FREM1: variants seen among roughly 807,000 people sequenced by gnomAD.
The protein encoded by FREM1 is FRAS1 related extracellular matrix 1.
In FREM1, 220 loss-of-function variants were observed where a neutral mutation model predicts 210.1. The ratio of observed to expected loss-of-function variants is 1.05; its 90% CI spans 0.94 to 1.17. FREM1 has a LOEUF of 1.17. FREM1 is among the 50% of genes most tolerant of loss of function. The probability of loss-of-function intolerance (pLI) is 0.00; values close to 1 mark genes in which losing one functional copy is unlikely to be tolerated. For synonymous variants in FREM1, 1,189 were observed against 980.2 expected, an observed-to-expected ratio of 1.21 and a Z score of -3.98; for missense variants, 3,454 against 2,675.5, an observed-to-expected ratio of 1.29 and a Z score of -6.42.
intron 24 of FREM1, chr9:14,779,402 G>T: frequency 3.1e-6 from 2 of 648,108 alleles, no homozygotes; most frequent in Non-Finnish European, 1.9e-6. Context: ...TATCAGCAGA[G>T]AAGGAAGAAG....
Position 14,769,707 on chromosome 9 carries a change from T to C in FREM1, c.5204+17A>G, listed in dbSNP as rs925137139. On this transcript the variant is annotated intron_variant, in intron 27 of 36. Coordinates refer to ENST00000380880, the MANE Select transcript of FREM1 (RefSeq NM_001379081.2). Reference sequence around the variant, plus strand: ...GGATGTAACATATAGGACTACTGAATAAGCAAGAGAATTTACATTTGAGGA... The same window carrying C: ...GGATGTAACATATAGGACTACTGAACAAGCAAGAGAATTTACATTTGAGGA... 6.2e-7 allele frequency: 1 copy of C among 1,611,084 alleles called. No individual in the cohort carries two copies. The highest frequency in any genetic ancestry group is 8.5e-7 in the Non-Finnish European group (1 of 1,178,398).
intron 2 of FREM1, among the ~76,000 whole-genome samples, chr9:14,867,342 G>C (rs181808440): frequency 2.6e-5 from 4 of 152,238 alleles, no homozygotes; most frequent in Admixed American, 2.6e-4. Flanking sequence ...AAGTATAATT[G>C]GGAGTAACTG....
rs1385605278 is a variant in FREM1 at position 14,859,381 on chromosome 9, G to C, written c.433C>G (p.Pro145Ala). The C allele has an allele frequency of 1.2e-6, 2 of 1,613,854 alleles. No homozygotes were observed. The highest frequency in any genetic ancestry group is 2.2e-5 in the South Asian group (2 of 91,064). The change falls in exon 4 of 37, where the codon CCT becomes GCT. Residue 145 changes from proline (P) to alanine (A), a missense_variant. Transcript: ENST00000380880. Reference protein sequence around the residue: ...IHMSNNVLEVPEFNGLSQAID... With the variant: ...IHMSNNVLEVAEFNGLSQAID... Reference sequence around the variant, plus strand: ...GCTTGGGACAAGCCATTGAATTCAGGCACCTCCAGCACATTGTTACTCATA... The same window carrying C: ...GCTTGGGACAAGCCATTGAATTCAGCCACCTCCAGCACATTGTTACTCATA...
chr9:14,875,783 GT>G (rs1833601150), intron 1 of FREM1, among the ~76,000 whole-genome samples: 1 of 152,148 alleles, frequency 6.6e-6, no homozygotes, highest in African/African-American at 2.4e-5. Flanking sequence ...TTTCTGCTCT[GT>G]TTTTTCCCCA....
intron 13 of FREM1, among the ~76,000 whole-genome samples, chr9:14,821,554 T>C (rs1273113458): frequency 6.6e-6 from 1 of 152,220 alleles, no homozygotes; most frequent in Non-Finnish European, 1.5e-5. Context: ...TCAAGTTGAC[T>C]CCATAAGCAT....
At chr9:14,849,261 G>T (rs1299342668) in intron 6 of FREM1, among the ~76,000 whole-genome samples, 1 of 152,138 alleles carries the variant, frequency 6.6e-6, no homozygotes, top group Non-Finnish European at 1.5e-5. Context: ...CCGTACACAG[G>T]ACAACCTCCC....
chr9:14,860,984 CATATATACAT>C (rs1198162690), intron 3 of FREM1, among the ~76,000 whole-genome samples: 2 of 117,670 alleles, frequency 1.7e-5, no homozygotes, highest in African/African-American at 4.7e-5. Flanking sequence ...CATATATACA[CATATATACAT>C]ATATATACAC....
At chr9:14,824,309 A>G (rs765412813) in intron 11 of FREM1, among the ~76,000 whole-genome samples, 194 bp from the exon 12 acceptor site, 7 of 152,202 alleles carry the variant, frequency 4.6e-5, no homozygotes, top group African/African-American at 7.2e-5. Context: ...CATGACTGCA[A>G]AAGGTATGTA....
At chr9:14,750,055 C>A (rs1035347529) in intron 30 of FREM1, 72 bp downstream of exon 30, 2 of 1,469,152 alleles carry the variant, frequency 1.4e-6, no homozygotes, top group Non-Finnish European at 1.9e-6. Flanking sequence ...TTATCAAGCA[C>A]GTTGGCTGTT....
intron 1 of FREM1, among the ~76,000 whole-genome samples, chr9:14,895,868 G>C (rs996339919): frequency 6.6e-6 from 1 of 151,980 alleles, no homozygotes; most frequent in Non-Finnish European, 1.5e-5. Flanking sequence ...ACAGAATACA[G>C]ATCTTCATCC....
Position 14,869,151 on chromosome 9 carries a change from C to T in FREM1, c.-174G>A. 1.8e-6 allele frequency: 1 copy of T among 545,640 alleles called. No individual in the cohort carries two copies. Among genetic ancestry groups the T allele is most frequent in the Non-Finnish European group, 3.2e-6 (1 of 308,072 alleles). 33.8% of individuals were successfully genotyped at this position (545,640 alleles called of 1,614,324 possible). On this transcript the variant is annotated 5_prime_UTR_variant, in exon 2 of 37. Coordinates refer to ENST00000380880, the MANE Select transcript of FREM1 (RefSeq NM_001379081.2). ...TTCATTTCAAAGTCAGACAAGGGGG[C>T]CTTTCAGGCAATCCCAGGGCTTTTA...
intron 1 of FREM1, among the ~76,000 whole-genome samples, chr9:14,909,318 T>C (rs973064207): frequency 1.1e-4 from 17 of 152,204 alleles, no homozygotes; most frequent in African/African-American, 4.1e-4. Flanking sequence ...CCAAAGTCTC[T>C]GGACCAAATC....
At chr9:14,831,933 T>TG (rs887155012) in intron 10 of FREM1, among the ~76,000 whole-genome samples, 9 of 152,096 alleles carry the variant, frequency 5.9e-5, no homozygotes, top group African/African-American at 2.2e-4. Context: ...AGAGAATAGC[T>TG]GGGGGGACGC....
At chr9:14,864,306 G>A (rs761509875) in intron 2 of FREM1, among the ~76,000 whole-genome samples, 1 of 152,186 alleles carries the variant, frequency 6.6e-6, no homozygotes, top group Non-Finnish European at 1.5e-5. Flanking sequence ...GAAAAGGCAT[G>A]CTTTAACCCA....
chr9:14,828,645 G>T (rs867366233), intron 10 of FREM1, among the ~76,000 whole-genome samples: 32 of 135,886 alleles, frequency 2.4e-4, no homozygotes, highest in South Asian at 2.3e-4. Flanking sequence ...TGGCGGGGCG[G>T]GGGAGGTGCC....
In FREM1 at chr9:14,737,585, G is replaced by C. The variant is rs1442058288; in HGVS notation, c.6351C>G (p.Asp2117Glu). The change falls in exon 37 of 37, where the codon GAC (aspartate) becomes GAG (glutamate). Residue 2117 changes from aspartate to glutamate, a missense_variant. Coordinates refer to ENST00000380880, the MANE Select transcript of FREM1 (RefSeq NM_001379081.2). Reference protein sequence around the residue: ...GRKSFWIGLNDQVHAGHWEWI... With the variant: ...GRKSFWIGLNEQVHAGHWEWI... ...ACTCCCAGTGGCCAGCATGCACTTGGTCGTTCAAACCTAATGTGAACCAAA... is the reference window on the plus strand; with the variant it reads ...ACTCCCAGTGGCCAGCATGCACTTGCTCGTTCAAACCTAATGTGAACCAAA... The C allele has an allele frequency of 1.3e-6, 2 of 1,566,216 alleles. No individual in the cohort carries two copies. The highest frequency in any genetic ancestry group is 1.2e-5 in the South Asian group (1 of 83,464).
chr9:14,887,004 A>T (rs1835938097), intron 1 of FREM1, among the ~76,000 whole-genome samples: 1 of 152,118 alleles, frequency 6.6e-6, no homozygotes, highest in African/African-American at 2.4e-5. Flanking sequence ...TATTAATATA[A>T]ATCAAATTTA....
At chr9:14,843,712 A>G (rs1826095370) in intron 8 of FREM1, among the ~76,000 whole-genome samples, 1 of 149,072 alleles carries the variant, frequency 6.7e-6, no homozygotes, top group Non-Finnish European at 1.5e-5. Flanking sequence ...CAGTTCTTAG[A>G]GGAGTGGTCT....
At chr9:14,777,208 T>C (rs1408198433) in intron 24 of FREM1, among the ~76,000 whole-genome samples, 2 of 152,356 alleles carry the variant, frequency 1.3e-5, no homozygotes, top group South Asian at 4.1e-4. Flanking sequence ...GTTTGTGATA[T>C]CTTAATGTGC....
Sources: allele counts gnomAD v4.1 joint callset (sites outside exome capture counted in the v4.1 genomes callset), GRCh38; gene constraint gnomAD v4.1.1; transcripts MANE v1.5; gene names NCBI Gene and HGNC (gene_info 2026-07-23, HGNC 2026-07-21).